Variants in ZNF451 observed in about 807,000 individuals in gnomAD.
ZNF451 encodes zinc finger protein 451.
ZNF451 carries 80 observed loss-of-function variants against 107.1 expected under a neutral mutation model. The observed-to-expected ratio is 0.75, with a 90% confidence interval of 0.62 to 0.90. ZNF451 has a LOEUF of 0.90. ZNF451 is among the 40% of genes least tolerant of loss of function. The pLI is 0.00. For synonymous variants in ZNF451, 362 were observed against 406.5 expected (o/e 0.89, Z 1.32); for missense variants, 1,107 against 1,236.2 (o/e 0.90, Z 1.57).
In ZNF451 at chr6:57,122,454, G is replaced by A. The variant is rs145621891; in HGVS notation, c.187-2280G>A. Among the ~76,000 whole-genome samples the A allele has an allele frequency of 7.2e-5, 11 of 152,252 alleles. No individual in the cohort carries two copies. The East Asian group carries it at 1.9e-3, about 27-fold the overall frequency. Reference sequence around the variant, plus strand: ...AGCTAACAGACAACCCACAGAATGGGAGAAAATATTTGCAAAGTATGCACC... The same window carrying A: ...AGCTAACAGACAACCCACAGAATGGAAGAAAATATTTGCAAAGTATGCACC... On this transcript the variant is annotated intron_variant, in intron 3 of 14. Transcript: ENST00000370706.
At chr6:57,102,052 A>G (rs1304295276) in intron 3 of ZNF451, 3 of 1,536,228 alleles carry the variant, frequency 2.0e-6, no homozygotes, top group South Asian at 1.2e-5. Flanking sequence ...CTATAGATAT[A>G]GAAAGAAGGG....
chr6:57,134,108 A>G (rs1196036488), intron 6 of ZNF451: 2 of 152,314 alleles, frequency 1.3e-5, no homozygotes, highest in African/African-American at 4.8e-5. Flanking sequence ...GCTCTAAGCC[A>G]TTGTCTTTTC....
At chr6:57,138,125 A>C (rs538462683) in intron 7 of ZNF451, among the ~76,000 whole-genome samples, 98 of 152,310 alleles carry the variant, frequency 6.4e-4, no homozygotes, top group Non-Finnish European at 1.2e-3. Flanking sequence ...TTGCTAGGTC[A>C]TATGGTACCT....
chr6:57,156,718 G>C (rs138862925), intron 13 of ZNF451, among the ~76,000 whole-genome samples: 208 of 152,254 alleles, frequency 1.4e-3, no homozygotes, highest in African/African-American at 4.8e-3. Flanking sequence ...ATTGTCCTTT[G>C]GGATGTAACC....
At chr6:57,096,896 C>T (rs183036815) in intron 2 of ZNF451, among the ~76,000 whole-genome samples, 1 of 150,686 alleles carries the variant, frequency 6.6e-6, no homozygotes, top group Admixed American at 6.6e-5. Context: ...CTGCCTCAGC[C>T]TCCTGGGTAG....
At chr6:57,107,304 A>G (rs1829907772) in intron 3 of ZNF451, 2 of 985,040 alleles carry the variant, frequency 2.0e-6, no homozygotes, top group Non-Finnish European at 2.4e-6. Context: ...AGTGTATACT[A>G]GACAGGATTT....
chr6:57,154,314 A>G (rs1763294762), intron 13 of ZNF451: 2 of 532,906 alleles, frequency 3.8e-6, no homozygotes, highest in African/African-American at 3.8e-5. Flanking sequence ...ACATATATTC[A>G]TGTGTTACAG....
Position 57,170,091 on chromosome 6 carries a change from A to G in ZNF451, c.*1622A>G, listed in dbSNP as rs1010320738. ...GCTTCTGATAAGACAGGAAAGGGAT[A>G]TTTCATCATGACTGTTAAGAAAAGG... On this transcript the variant is annotated 3_prime_UTR_variant, in exon 15 of 15. Coordinates refer to ENST00000370706, the MANE Select transcript of ZNF451 (RefSeq NM_001031623.3). The G allele has an allele frequency of 1.3e-5, 2 of 152,206 alleles. No individual in the cohort carries two copies. Among genetic ancestry groups the G allele is most frequent in the Non-Finnish European group, 2.9e-5 (2 of 68,036 alleles). The allele number at this position is 152,206 out of a possible 1,614,324, so 9.4% of individuals were successfully genotyped here.
Position 57,159,955 on chromosome 6 carries a change from A to G in ZNF451, c.3071-1129A>G, listed in dbSNP as rs552686068. Among the ~76,000 whole-genome samples, 37 of 152,312 alleles carry G rather than the reference A, an allele frequency of 2.4e-4. No homozygotes were observed. The East Asian group carries it at 6.4e-3, about 26-fold the overall frequency. ...TCACTGACATATATATCATATATAG[A>G]TGCATATCTGTTTATATTTGTATAA... On this transcript the variant is annotated intron_variant, in intron 13 of 14. Transcript: ENST00000370706.
chr6:57,153,514 C>T (rs1214962773), intron 12 of ZNF451, among the ~76,000 whole-genome samples: 1 of 151,750 alleles, frequency 6.6e-6, no homozygotes, highest in Non-Finnish European at 1.5e-5. Flanking sequence ...AAGTGATTCT[C>T]CAGCCTCAGC....
chr6:57,101,995 A>G (rs1256751213), intron 3 of ZNF451: 34 of 1,550,450 alleles, frequency 2.2e-5, no homozygotes, highest in Non-Finnish European at 3.0e-5. Context: ...ACATTATCAC[A>G]ATAGAGGATA....
chr6:57,108,474 G>C (rs919279130), intron 3 of ZNF451: 8 of 985,234 alleles, frequency 8.1e-6, no homozygotes, highest in Admixed American at 6.2e-5. Flanking sequence ...TGTGGATGAT[G>C]AAATAAAAAC....
chr6:57,109,265 ATGT>A (rs1449278481), intron 3 of ZNF451: 48 of 984,266 alleles, frequency 4.9e-5, no homozygotes, highest in Non-Finnish European at 5.7e-5. Context: ...TCTTTGTTCA[ATGT>A]TGTTTATTAC....
At chr6:57,102,527 T>G (rs1829656779) in intron 3 of ZNF451, 1 of 989,332 alleles carries the variant, frequency 1.0e-6, no homozygotes, top group Non-Finnish European at 1.2e-6. Context: ...AATCCTTAAC[T>G]TTTAGGTTAT....
chr6:57,138,547 C>T (rs1831554821), intron 7 of ZNF451, among the ~76,000 whole-genome samples: 1 of 151,448 alleles, frequency 6.6e-6, no homozygotes. Flanking sequence ...CAGGCATGAG[C>T]CATCATGCCC....
chr6:57,156,418 A>G lies in ZNF451; in HGVS notation c.3070+2371A>G, dbSNP rs902743485. Among the ~76,000 whole-genome samples the G allele has an allele frequency of 1.4e-4, 21 of 152,316 alleles. 1 individual carries two copies. The highest frequency in any genetic ancestry group is 5.9e-4 in the Admixed American group (9 of 15,310). The stretch of plus-strand genomic sequence containing the variant: ...GGTATTTAATGTATAATGGGACTCA[A>G]TAAATCTCTCAATGTCCATTAATAA... On this transcript the variant is annotated intron_variant, in intron 13 of 14. Transcript: ENST00000370706.
intron 7 of ZNF451, among the ~76,000 whole-genome samples, chr6:57,141,099 GA>G (rs968627264): frequency 6.6e-6 from 1 of 151,622 alleles, no homozygotes; most frequent in African/African-American, 2.4e-5. Context: ...TGGTTTTGAG[GA>G]AAAAAAACTA....
intron 7 of ZNF451, among the ~76,000 whole-genome samples, chr6:57,138,733 A>ATGTG (rs1424146625): frequency 1.1e-4 from 12 of 111,054 alleles, no homozygotes; most frequent in African/African-American, 2.5e-4. Context: ...ATATATATAT[A>ATGTG]TATATATATG....
At chr6:57,141,901 T>G in intron 8 of ZNF451, 47 bp from the exon 9 acceptor site, 1 of 1,559,768 alleles carries the variant, frequency 6.4e-7, no homozygotes, top group Non-Finnish European at 8.8e-7. Context: ...GTTGGGTTAC[T>G]CTGTACTCAA....
Sources: gnomAD v4.1 joint callset for allele counts (sites outside exome capture counted in the v4.1 genomes callset) on GRCh38, gnomAD v4.1.1 for gene constraint, MANE v1.5 for transcripts, NCBI Gene and HGNC (gene_info 2026-07-23, HGNC 2026-07-21) for gene names.